The following PKD1L1 variants were observed in gnomAD, a reference collection of about 807,000 sequenced individuals.
PKD1L1 encodes polycystin 1 like 1, transient receptor potential channel interacting.
A neutral mutation model predicts 323.4 loss-of-function variants in PKD1L1; 236 were observed. The ratio of observed to expected loss-of-function variants is 0.73; its 90% confidence interval spans 0.66 to 0.81. The LOEUF is 0.81. Among genes scored for constraint, PKD1L1 ranks in the 40% least tolerant of loss-of-function variants. The pLI, the probability that PKD1L1 is intolerant of heterozygous loss-of-function variation, is 0.00. For synonymous variants in PKD1L1, 1,344 were observed against 1,335.0 expected (o/e 1.01, Z -0.15); for missense variants, 3,320 against 3,508.0 (o/e 0.95, Z 1.35).
Position 47,886,262 on chromosome 7 carries a change from G to A in PKD1L1, c.2837-208C>T, listed in dbSNP as rs1186420219. Among the ~76,000 whole-genome samples, 3 of 152,164 alleles carry A rather than the reference G, an allele frequency of 2.0e-5. No individual in the cohort carries two copies. The East Asian group carries it at 5.8e-4, about 29-fold the overall frequency. ...GCCAACAGCAAGAAGCACATGTATG[G>A]AAGTAGAAGGCAGGATTCACAGCGA... is the stretch of plus-strand genomic sequence containing the variant. On this transcript the variant is annotated intron_variant, in intron 17 of 56. Coordinates refer to ENST00000289672, the MANE Select transcript of PKD1L1 (RefSeq NM_138295.5).
Position 47,885,667 on chromosome 7 carries a change from C to A in PKD1L1, c.3205+19G>T. ...GTGCCTAGACAAGAGGGATGACATG[C>A]AGGAACAGTGGCACTTACCAGAGAG... On this transcript the variant is annotated intron_variant, in intron 18 of 56. Coordinates refer to ENST00000289672, the MANE Select transcript of PKD1L1 (RefSeq NM_138295.5). 6.3e-7 allele frequency: 1 copy of A among 1,597,458 alleles called. No individual in the cohort carries two copies. Among genetic ancestry groups the A allele is most frequent in the Non-Finnish European group, 8.5e-7 (1 of 1,171,184 alleles).
intron 8 of PKD1L1, among the ~76,000 whole-genome samples, chr7:47,912,815 C>CGAAAAAA (rs1787349712): frequency 1.6e-5 from 1 of 63,636 alleles, no homozygotes. Flanking sequence ...GACTGTGTCT[C>CGAAAAAA]AAAAAAAAAA....
intron 8 of PKD1L1, among the ~76,000 whole-genome samples, 199 bp from the exon 9 acceptor site, chr7:47,908,449 A>G (rs1787254914): frequency 6.6e-6 from 1 of 152,118 alleles, no homozygotes; most frequent in African/African-American, 2.4e-5. Context: ...CACGCAATGG[A>G]GCTATGTGAG....
chr7:47,897,994 A>T lies in PKD1L1; in HGVS notation c.2265T>A (p.Leu755=). Residue 755 remains leucine, a synonymous_variant, in exon 14 of 57, where the codon CTT becomes CTA. Coordinates refer to ENST00000289672, the MANE Select transcript of PKD1L1 (RefSeq NM_138295.5). The stretch of plus-strand genomic sequence containing the variant: ...AGTAAGTCAGCCAGCTGACCTTGGC[A>T]AGGGCAGTGTAGTTCCCATACTCCA... ...HTLEYGNYTA[L]AKVQIEGSVV... 1 of 1,605,884 alleles carries T rather than the reference A, an allele frequency of 6.2e-7. No individual in the cohort carries two copies. Among genetic ancestry groups the T allele is most frequent in the Non-Finnish European group, 8.5e-7 (1 of 1,175,680 alleles).
chr7:47,791,447 T>C (rs184972860), intron 56 of PKD1L1, among the ~76,000 whole-genome samples: 5 of 138,342 alleles, frequency 3.6e-5, no homozygotes, highest in Admixed American at 8.0e-5. Flanking sequence ...CTTCAAACTG[T>C]CATTTCAAAG....
chr7:47,872,482 C>A (rs757661192), intron 24 of PKD1L1, among the ~76,000 whole-genome samples: 1 of 152,140 alleles, frequency 6.6e-6, no homozygotes, highest in Non-Finnish European at 1.5e-5. Context: ...AAGAAACAAA[C>A]GTTTTAATTA....
At chr7:47,872,075 G>A (rs1248773272) in intron 24 of PKD1L1, among the ~76,000 whole-genome samples, 1 of 152,140 alleles carries the variant, frequency 6.6e-6, no homozygotes, top group Non-Finnish European at 1.5e-5. Flanking sequence ...TGTTCAGCAG[G>A]GTTATAGGAT....
At chr7:47,875,252 A>C (rs554434895) in intron 23 of PKD1L1, among the ~76,000 whole-genome samples, 21 of 152,350 alleles carry the variant, frequency 1.4e-4, no homozygotes, top group Non-Finnish European at 2.6e-4. Context: ...AGAAGGTACA[A>C]GTGTTTCTAA....
At chr7:47,847,517 G>C (rs1229332445) in intron 31 of PKD1L1, among the ~76,000 whole-genome samples, 1 of 152,120 alleles carries the variant, frequency 6.6e-6, no homozygotes, top group African/African-American at 2.4e-5. Flanking sequence ...TTCTGGTAAG[G>C]ACAGCACAAT....
chr7:47,895,381 A>G (rs1271161153), intron 14 of PKD1L1, among the ~76,000 whole-genome samples: 1 of 152,212 alleles, frequency 6.6e-6, no homozygotes, highest in East Asian at 1.9e-4. Context: ...TGCTGGGTTT[A>G]ATTTAAAAAT....
chr7:47,846,888 A>T lies in PKD1L1; in HGVS notation c.5144T>A (p.Val1715Glu). ...TCAAATGTGTCTATACCTGCAGTTC[A>T]CTTTTTCAGGAGAAGTCCCTGGTTG... ...SPQPGTSPEKVNCSYHRLAAF... is the reference protein window; with the variant it reads ...SPQPGTSPEKENCSYHRLAAF... The change falls in exon 32 of 57, where the codon GTG becomes GAG. Residue 1715 changes from valine (V) to glutamate (E), a missense_variant. By Grantham distance (121) the Val-to-Glu change is moderately radical (BLOSUM62 -2). Coordinates refer to ENST00000289672, the MANE Select transcript of PKD1L1 (RefSeq NM_138295.5). The T allele has an allele frequency of 3.7e-6, 6 of 1,603,690 alleles. No individual in the cohort carries two copies. Among genetic ancestry groups the T allele is most frequent in the Non-Finnish European group, 5.1e-6 (6 of 1,177,402 alleles).
At chr7:47,939,209 A>G (rs1459987598) in intron 3 of PKD1L1, among the ~76,000 whole-genome samples, 1 of 152,220 alleles carries the variant, frequency 6.6e-6, no homozygotes, top group East Asian at 1.9e-4. Context: ...GAGCAGAGAA[A>G]AGCTCCCAAA....
intron 8 of PKD1L1, 43 bp downstream of exon 8, chr7:47,915,389 T>G (rs766303642): frequency 1.3e-6 from 1 of 784,408 alleles, no homozygotes; most frequent in African/African-American, 1.7e-5. Flanking sequence ...CAGCTTTATA[T>G]CAGCCCACTC....
intron 13 of PKD1L1, among the ~76,000 whole-genome samples, chr7:47,901,527 C>G (rs1408847792): frequency 6.6e-6 from 1 of 152,154 alleles, no homozygotes; most frequent in African/African-American, 2.4e-5. Flanking sequence ...TCCTGCTGTG[C>G]CTTTTGCTTT....
At chr7:47,893,287 A>C (rs1019958778) in intron 15 of PKD1L1, among the ~76,000 whole-genome samples, 1 of 151,666 alleles carries the variant, frequency 6.6e-6, no homozygotes, top group Non-Finnish European at 1.5e-5. Flanking sequence ...GCAACTGGAA[A>C]GGTCCTTCCA....
Position 47,833,152 on chromosome 7 carries a change from C to T in PKD1L1, c.6275G>A (p.Gly2092Glu). The change falls in exon 41 of 57, where the codon GGG becomes GAG. Residue 2092 changes from glycine (G) to glutamate (E), a missense_variant. Physicochemically the swap from Gly to Glu is moderately conservative, Grantham distance 98. Coordinates refer to ENST00000289672, the MANE Select transcript of PKD1L1 (RefSeq NM_138295.5). The part of the protein sequence containing the change: ...ACPAPKLQVH[G>E]ADHSRTSLMG... Reference sequence around the variant, plus strand: ...CAGAGAAGTCCTGCTGTGGTCAGCCCCATGAACCTGCAGCTTAGGGGCTGG... The same window carrying T: ...CAGAGAAGTCCTGCTGTGGTCAGCCTCATGAACCTGCAGCTTAGGGGCTGG... 2 of 1,612,646 alleles carry T rather than the reference C, an allele frequency of 1.2e-6. No homozygotes were observed. The highest frequency in any genetic ancestry group is 1.7e-6 in the Non-Finnish European group (2 of 1,179,460).
intron 3 of PKD1L1, among the ~76,000 whole-genome samples, chr7:47,938,805 G>A (rs1787927055): frequency 6.6e-6 from 1 of 152,222 alleles, no homozygotes; most frequent in South Asian, 2.1e-4. Flanking sequence ...TCACCTGGGT[G>A]GGGTGGGGTT....
intron 30 of PKD1L1, 49 bp downstream of exon 30, chr7:47,854,833 G>A (rs770023495): frequency 1.0e-5 from 16 of 1,575,648 alleles, no homozygotes; most frequent in African/African-American, 1.4e-5. Context: ...CATTCTTAAG[G>A]ACAATATGTC....
chr7:47,836,200 C>T (rs1285294559), intron 37 of PKD1L1, among the ~76,000 whole-genome samples: 1 of 152,180 alleles, frequency 6.6e-6, no homozygotes, highest in Non-Finnish European at 1.5e-5. Context: ...TTGGATCTCT[C>T]TGATACCTGG....
Sources: gnomAD v4.1 joint callset for allele counts (sites outside exome capture counted in the v4.1 genomes callset) on GRCh38, gnomAD v4.1.1 for gene constraint, MANE v1.5 for transcripts, NCBI Gene and HGNC (gene_info 2026-07-23, HGNC 2026-07-21) for gene names.